The following APBA2 variants were observed in gnomAD, a reference collection of about 807,000 sequenced individuals.
The protein encoded by APBA2 is amyloid-beta A4 precursor protein-binding family A member 2.
Under a neutral mutation model 75.0 loss-of-function variants are expected in APBA2, and 30 were observed. That is an observed-to-expected ratio of 0.40 (90% CI 0.30 to 0.54). The LOEUF (loss-of-function observed/expected upper bound fraction) is 0.54. APBA2 is among the 20% of genes least tolerant of loss of function. APBA2 has a pLI of 0.49. For synonymous variants in APBA2, 444 were observed against 409.6 expected (o/e 1.08, Z -1.01); for missense variants, 801 against 1,016.1 (o/e 0.79, Z 2.88).
At chr15:29,111,130 C>G (rs1002341329) in intron 13 of APBA2, among the ~76,000 whole-genome samples, 2 of 151,894 alleles carry the variant, frequency 1.3e-5, no homozygotes, top group African/African-American at 4.8e-5. Flanking sequence ...GGTGGCAATA[C>G]GAAAGAGAGG....
chr15:28,894,198 G>A lies in APBA2; in HGVS notation c.-205+7920G>A, dbSNP rs956692574. 9.2e-4 allele frequency among the ~76,000 whole-genome samples: 140 copies of A among 152,286 alleles called. 1 individual carries two copies. The highest frequency in any genetic ancestry group is 1.5e-3 in the South Asian group (7 of 4,824). On this transcript the variant is annotated intron_variant, in intron 1 of 14. Coordinates refer to ENST00000683413, the MANE Select transcript of APBA2 (RefSeq NM_001353788.2). ...AGGACTCTGCAGTGGTAGAACCGGG[G>A]GCAGGTACCCTTCACTTTTCTTACC...
intron 2 of APBA2, among the ~76,000 whole-genome samples, chr15:28,937,868 AG>A (rs1291706461): frequency 1.3e-5 from 2 of 152,150 alleles, no homozygotes; most frequent in Non-Finnish European, 2.9e-5. Flanking sequence ...CGTGTTAGCC[AG>A]GATGGTCTCG....
In APBA2 at chr15:29,054,524, C is replaced by A. The variant is rs148979602; in HGVS notation, c.640C>A (p.Arg214Ser). 1.2e-6 allele frequency: 2 copies of A among 1,613,374 alleles called. No individual in the cohort carries two copies. Among genetic ancestry groups the A allele is most frequent in the South Asian group, 2.2e-5 (2 of 90,952 alleles). ...NTGASPYRLR[R>S]GDGDLEDQEE... ...CGGCGCCTCCCCCTACCGCCTGAGG[C>A]GTGGGGATGGGGACCTGGAGGACCA... Residue 214 changes from arginine to serine, a missense_variant, in exon 4 of 15, where the codon CGT (arginine) becomes AGT (serine). Arg to Ser is a moderately radical substitution (Grantham distance 110). Transcript: ENST00000683413. This position sits in a 1 kb window ranked among gnomAD's most constrained non-coding sequence, Gnocchi z 6.1.
intron 3 of APBA2, among the ~76,000 whole-genome samples, chr15:29,031,843 C>A (rs1242801178): frequency 6.6e-6 from 1 of 152,206 alleles, no homozygotes; most frequent in Non-Finnish European, 1.5e-5. Flanking sequence ...GAAAAGTTCT[C>A]CAAGTCCCCA....
intron 3 of APBA2, among the ~76,000 whole-genome samples, chr15:29,006,631 A>G (rs1316581669): frequency 6.6e-6 from 1 of 152,190 alleles, no homozygotes; most frequent in African/African-American, 2.4e-5. Context: ...CATGTTTTAC[A>G]TGGCAGCAGG....
chr15:29,045,806 A>G (rs534249544), intron 3 of APBA2, among the ~76,000 whole-genome samples: 2 of 152,132 alleles, frequency 1.3e-5, no homozygotes, highest in Non-Finnish European at 2.9e-5. Context: ...CACAGAGCAA[A>G]ACAGATTGTA....
chr15:29,041,173 G>C (rs57844311), intron 3 of APBA2, among the ~76,000 whole-genome samples: 32,108 of 152,082 alleles, frequency 0.21, 4,267 homozygotes, highest in East Asian at 0.45. Context: ...AAAGAAAAAT[G>C]AGTTTAAGAA....
At chr15:29,081,368 C>T (rs2152932616) in intron 6 of APBA2, among the ~76,000 whole-genome samples, 1 of 152,304 alleles carries the variant, frequency 6.6e-6, no homozygotes, top group African/African-American at 2.4e-5. Context: ...TTTCTACAAA[C>T]AAGATCATGT....
rs1195254249 is a variant in APBA2 at position 28,918,602 on chromosome 15, T to C, written c.-204-3038T>C. The stretch of plus-strand genomic sequence containing the variant: ...GCGGGATGTATTTTAAAGGAGTGCC[T>C]GATGCGTGTGGGTGTGGTGGGGTTG... On this transcript the variant is annotated intron_variant, in intron 1 of 14. Coordinates refer to ENST00000683413, the MANE Select transcript of APBA2 (RefSeq NM_001353788.2). This position sits in a 1 kb window ranked among gnomAD's most constrained non-coding sequence, Gnocchi z 4.2. Among the ~76,000 whole-genome samples, 1 of 111,024 alleles carries C rather than the reference T, an allele frequency of 9.0e-6. No individual in the cohort carries two copies. The highest frequency in any genetic ancestry group is 2.8e-4 in the East Asian group (1 of 3,584). The allele number at this position is 111,024 out of a possible 152,430, so 72.8% of individuals were successfully genotyped here. A position where few individuals can be genotyped will look rare whatever the true frequency, so the allele number is the denominator to read the frequency against.
intron 1 of APBA2, among the ~76,000 whole-genome samples, chr15:28,892,029 C>G (rs940439835): frequency 2.0e-5 from 3 of 152,142 alleles, no homozygotes; most frequent in Admixed American, 2.0e-4. Context: ...CTTGCAAGCT[C>G]CATTCATGGT....
At chr15:29,065,786 A>G (rs1362389060) in intron 4 of APBA2, among the ~76,000 whole-genome samples, 2 of 152,318 alleles carry the variant, frequency 1.3e-5, no homozygotes, top group Non-Finnish European at 2.9e-5. Flanking sequence ...TCCAGTGTCA[A>G]CAGCTACCCA....
intron 2 of APBA2, among the ~76,000 whole-genome samples, chr15:28,977,851 C>T (rs2037421330): frequency 6.6e-6 from 1 of 152,122 alleles, no homozygotes; most frequent in Non-Finnish European, 1.5e-5. Flanking sequence ...TGTGTCTCTC[C>T]CATACAGTCG....
In APBA2 at chr15:28,991,682, G is replaced by A. The variant is rs975341964; in HGVS notation, c.-94-4071G>A. On this transcript the variant is annotated intron_variant, in intron 2 of 14. Transcript: ENST00000683413. The surrounding 1 kb of genome is among the most constrained non-coding windows in gnomAD (Gnocchi z 4.7). ...AGCCAGGTCGAGCTGGCACTGGGGCGACGCTCTGTCTTTGATGCACCCTGA... is the reference window on the plus strand; with the variant it reads ...AGCCAGGTCGAGCTGGCACTGGGGCAACGCTCTGTCTTTGATGCACCCTGA... 2.0e-5 allele frequency among the ~76,000 whole-genome samples: 3 copies of A among 152,162 alleles called. No homozygotes were observed. The highest frequency in any genetic ancestry group is 4.4e-5 in the Non-Finnish European group (3 of 68,018).
At chr15:29,115,859 C>G (rs2045076603) in intron 14 of APBA2, among the ~76,000 whole-genome samples, 2 of 152,170 alleles carry the variant, frequency 1.3e-5, no homozygotes, top group Admixed American at 1.3e-4. Context: ...TTCTGGGCTG[C>G]TCAGCCCAGG....
chr15:28,979,603 A>G (rs972400324), intron 2 of APBA2, among the ~76,000 whole-genome samples: 1 of 152,124 alleles, frequency 6.6e-6, no homozygotes, highest in African/African-American at 2.4e-5. Flanking sequence ...GCAGGGTGCT[A>G]TGTCCAGCGC....
At position 29,117,356 on chromosome 15, in the gene APBA2, G is replaced by A. The variant is rs1174366713; in HGVS notation, c.*223G>A. The A allele has an allele frequency of 6.7e-6, 4 of 596,230 alleles. No homozygotes were observed. The highest frequency in any genetic ancestry group is 1.2e-5 in the Non-Finnish European group (4 of 334,428). The allele number at this position is 596,230 out of a possible 1,614,324, so 36.9% of individuals were successfully genotyped here. ...CACAGAACAAATGTTTGTTTGTAAAGCGTTCCAAGTATTTTGCCACGTTCT... is the reference window on the plus strand; with the variant it reads ...CACAGAACAAATGTTTGTTTGTAAAACGTTCCAAGTATTTTGCCACGTTCT... On this transcript the variant is annotated 3_prime_UTR_variant, in exon 15 of 15. Coordinates refer to ENST00000683413, the MANE Select transcript of APBA2 (RefSeq NM_001353788.2).
intron 3 of APBA2, among the ~76,000 whole-genome samples, chr15:29,029,095 T>C (rs543590092): frequency 2.0e-5 from 3 of 152,336 alleles, no homozygotes; most frequent in African/African-American, 4.8e-5. Context: ...GCCTATGTCC[T>C]GAATGGTATT....
At chr15:28,970,771 A>T (rs2037023375) in intron 2 of APBA2, among the ~76,000 whole-genome samples, 1 of 151,912 alleles carries the variant, frequency 6.6e-6, no homozygotes, top group Non-Finnish European at 1.5e-5. Flanking sequence ...ATTAAAAAAA[A>T]AAAATAAAAG....
intron 3 of APBA2, among the ~76,000 whole-genome samples, chr15:29,039,155 G>GTGTA (rs2040904827): frequency 1.5e-5 from 2 of 135,260 alleles, no homozygotes; most frequent in East Asian, 4.7e-4. Context: ...GTGTGTGTGT[G>GTGTA]TATCAGGGTT....
Sources: allele counts gnomAD v4.1 joint callset (sites outside exome capture counted in the v4.1 genomes callset), GRCh38; gene constraint gnomAD v4.1.1; non-coding constraint Gnocchi (gnomAD v3.1); transcripts MANE v1.5; gene names NCBI Gene and HGNC (gene_info 2026-07-23, HGNC 2026-07-21).